Variants in CD99L2 observed in about 807,000 individuals in gnomAD.
CD99L2 encodes CD99 molecule like 2.
Under a neutral mutation model 27.3 loss-of-function variants are expected in CD99L2, and 24 were observed. The ratio of observed to expected loss-of-function variants is 0.88; its 90% CI spans 0.64 to 1.24. The LOEUF (loss-of-function observed/expected upper bound fraction) is 1.24, where lower values mean the gene tolerates loss of function less well. Among genes scored for constraint, CD99L2 ranks in the 50% most tolerant of loss-of-function variants. The pLI is 0.00. For synonymous variants in CD99L2, 97 were observed against 87.9 expected (o/e 1.10, Z -0.58); for missense variants, 255 against 221.6 (o/e 1.15, Z -0.96).
At chrX:150,879,341 G>C (rs1557422419) in intron 1 of CD99L2, among the ~76,000 whole-genome samples, 1 of 111,787 alleles carries the variant, frequency 8.9e-6, no homozygotes, top group South Asian at 3.7e-4. Flanking sequence ...CTTTTTAGGT[G>C]AGTGGAAAGA....
At chrX:150,808,230 T>C (rs781923160) in intron 4 of CD99L2, among the ~76,000 whole-genome samples, 2 of 112,762 alleles carry the variant, frequency 1.8e-5, no homozygotes, top group Admixed American at 9.4e-5. Flanking sequence ...GAAAACATAC[T>C]GATGCCACAT....
At chrX:150,824,674 G>A (rs28702836) in intron 2 of CD99L2, among the ~76,000 whole-genome samples, 913 of 26,072 alleles carry the variant, frequency 0.035, 14 homozygotes, top group Middle Eastern at 0.12. Context: ...AAGAGGAAGA[G>A]GAAGAAGAAG....
intron 7 of CD99L2, among the ~76,000 whole-genome samples, chrX:150,788,281 T>C (rs1242642889): frequency 8.9e-6 from 1 of 111,814 alleles, no homozygotes; most frequent in Non-Finnish European, 1.9e-5. Flanking sequence ...TCTTTTGTGA[T>C]GTGTCTGTTC....
At chrX:150,856,211 G>A (rs1251546466) in intron 1 of CD99L2, among the ~76,000 whole-genome samples, 1 of 112,845 alleles carries the variant, frequency 8.9e-6, no homozygotes, top group African/African-American at 3.2e-5. Context: ...CCTCTAGGAA[G>A]CCTCAGCCCA....
chrX:150,843,840 C>T (rs1194545954), intron 1 of CD99L2, among the ~76,000 whole-genome samples: 3 of 110,737 alleles, frequency 2.7e-5, no homozygotes, highest in Non-Finnish European at 5.7e-5. Context: ...AAAGCCAGGA[C>T]GCCACTCACC....
At chrX:150,863,792 C>A (rs1434313234) in intron 1 of CD99L2, among the ~76,000 whole-genome samples, 1 of 112,063 alleles carries the variant, frequency 8.9e-6, no homozygotes, top group African/African-American at 3.2e-5. Context: ...CCTAATCCAA[C>A]AAGAGGTGTT....
chrX:150,769,688 G>GC (rs1569565829), intron 10 of CD99L2, among the ~76,000 whole-genome samples: 2 of 85,446 alleles, frequency 2.3e-5, no homozygotes, highest in Admixed American at 3.2e-4. Context: ...TGCGCCACCA[G>GC]GCCTCGGCTG....
Position 150,802,803 on chromosome X carries a change from G to C in CD99L2, c.278-7317C>G, listed in dbSNP as rs781870999. On this transcript the variant is annotated intron_variant, in intron 4 of 10. Coordinates refer to ENST00000370377, the MANE Select transcript of CD99L2 (RefSeq NM_031462.4). ...TCACCGTGTTAGCCAGGATGGTGTC[G>C]ATCTCCTGACCTCGTGATCTGCCCG... Among the ~76,000 whole-genome samples the C allele has an allele frequency of 1.2e-4, 12 of 101,561 alleles. No individual in the cohort carries two copies. In the South Asian group the frequency reaches 1.4e-3, roughly 12 times the overall value. The allele number at this position is 101,561 out of a possible 115,157, so 88.2% of individuals were successfully genotyped here.
intron 1 of CD99L2, among the ~76,000 whole-genome samples, chrX:150,834,755 T>A (rs2046500689): frequency 8.9e-6 from 1 of 112,247 alleles, no homozygotes; most frequent in Non-Finnish European, 1.9e-5. Context: ...TCCAAAGGAA[T>A]TGAAATCACG....
chrX:150,789,404 G>A (rs1557419654), intron 7 of CD99L2, among the ~76,000 whole-genome samples: 2 of 111,939 alleles, frequency 1.8e-5, no homozygotes, highest in African/African-American at 6.5e-5. Flanking sequence ...TTACAGGCGT[G>A]AGCCACCACG....
At chrX:150,798,783 C>T (rs2045855206) in intron 4 of CD99L2, among the ~76,000 whole-genome samples, 1 of 112,631 alleles carries the variant, frequency 8.9e-6, no homozygotes, top group Non-Finnish European at 1.9e-5. Flanking sequence ...CTCACTCTGT[C>T]ACCCAGGCTG....
chrX:150,863,624 T>C (rs1198683378), intron 1 of CD99L2, among the ~76,000 whole-genome samples: 1 of 112,193 alleles, frequency 8.9e-6, no homozygotes, highest in Non-Finnish European at 1.9e-5. Context: ...TGTATGATTC[T>C]ACTTGCTGCA....
chrX:150,892,628 A>G (rs1166218658), intron 1 of CD99L2, among the ~76,000 whole-genome samples: 1 of 106,445 alleles, frequency 9.4e-6, no homozygotes, highest in Non-Finnish European at 1.9e-5. Context: ...AAAAAAAAAA[A>G]AAAGAACAGA....
chrX:150,898,062 C>T (rs1172837925), intron 1 of CD99L2, among the ~76,000 whole-genome samples: 1 of 51,569 alleles, frequency 1.9e-5, no homozygotes, highest in Admixed American at 1.6e-4. Context: ...TGACCCCCCC[C>T]CCCCCCCCCC....
intron 10 of CD99L2, among the ~76,000 whole-genome samples, chrX:150,769,678 T>TTG (rs1569565824): frequency 1.1e-5 from 1 of 89,106 alleles, no homozygotes; most frequent in Non-Finnish European, 1.9e-5. Context: ...TCTCCCTGCC[T>TTG]GCGCCACCAG....
In CD99L2 at chrX:150,768,742, A is replaced by G. The variant is rs2043354303; in HGVS notation, c.*292T>C. On this transcript the variant is annotated 3_prime_UTR_variant, in exon 11 of 11. Transcript: ENST00000370377. ...ATCTTGGCCCCCGCATCCTGTGCTC[A>G]GTAAAGCTGGAGGCAGGCTGGCTTT... is the stretch of plus-strand genomic sequence containing the variant. 2.6e-6 allele frequency: 1 copy of G among 378,086 alleles called. No homozygotes were observed. The highest frequency in any genetic ancestry group is 4.2e-6 in the Non-Finnish European group (1 of 239,036). 31.2% of individuals were successfully genotyped at this position (378,086 alleles called of 1,213,427 possible). A position where few individuals can be genotyped will look rare whatever the true frequency, so the allele number is the denominator to read the frequency against.
intron 1 of CD99L2, among the ~76,000 whole-genome samples, chrX:150,831,978 A>G (rs1293470414): frequency 8.9e-6 from 1 of 112,246 alleles, no homozygotes; most frequent in Admixed American, 9.4e-5. Context: ...CTTACTTTCA[A>G]CATTGAACAG....
intron 1 of CD99L2, among the ~76,000 whole-genome samples, chrX:150,892,605 C>CAAAAAA (rs782464097): frequency 6.6e-5 from 2 of 30,194 alleles, no homozygotes; most frequent in Non-Finnish European, 1.2e-4. Flanking sequence ...GACTCTGTCT[C>CAAAAAA]AAAAAAAAAA....
chrX:150,809,947 G>A (rs1266919255), intron 4 of CD99L2, among the ~76,000 whole-genome samples: 1 of 111,932 alleles, frequency 8.9e-6, no homozygotes, highest in Non-Finnish European at 1.9e-5. Context: ...TCAAAAAACA[G>A]AGACTCAAAA....
Sources: allele counts gnomAD v4.1 joint callset (sites outside exome capture counted in the v4.1 genomes callset), GRCh38; gene constraint gnomAD v4.1.1; transcripts MANE v1.5; gene names NCBI Gene and HGNC (gene_info 2026-07-23, HGNC 2026-07-21).